Variants in FHOD3 observed in about 807,000 individuals in gnomAD.
The protein encoded by FHOD3 is formin homology 2 domain containing 3.
A neutral mutation model predicts 173.0 loss-of-function variants in FHOD3; 90 were observed. The ratio of observed to expected loss-of-function variants is 0.52; its 90% CI spans 0.44 to 0.62. The LOEUF is 0.62. Ranked by LOEUF, FHOD3 falls within the 20% of genes least tolerant of loss-of-function variation. FHOD3 has a pLI of 0.00. For synonymous variants in FHOD3, 828 were observed against 823.0 expected (o/e 1.01, Z -0.10); for missense variants, 1,945 against 2,034.7 (o/e 0.96, Z 0.85).
chr18:36,408,713 G>T (rs989319592), intron 3 of FHOD3, among the ~76,000 whole-genome samples: 4 of 152,136 alleles, frequency 2.6e-5, no homozygotes, highest in Admixed American at 2.0e-4. Context: ...AGGAGCCAGG[G>T]GTAGAAGCAT....
Position 36,444,421 on chromosome 18 carries a change from T to C in FHOD3, c.338-57511T>C, listed in dbSNP as rs2051345268. 2.0e-5 allele frequency among the ~76,000 whole-genome samples: 3 copies of C among 152,146 alleles called. No individual in the cohort carries two copies. In the South Asian group the frequency reaches 6.2e-4, roughly 32 times the overall value. On this transcript the variant is annotated intron_variant, in intron 3 of 28. Coordinates refer to ENST00000590592, the MANE Select transcript of FHOD3 (RefSeq NM_001281740.3). ...CCTGGTTGATTTTAATTGTTTATTT[T>C]TTGAATATGTGAGAAGCATAAGCAT...
At chr18:36,630,903 A>G (rs1445113149) in intron 10 of FHOD3, among the ~76,000 whole-genome samples, 2 of 152,262 alleles carry the variant, frequency 1.3e-5, no homozygotes, top group Non-Finnish European at 2.9e-5. Context: ...TGATAAGGAT[A>G]TATAAATGGG....
At chr18:36,533,711 C>T (rs1298098523) in intron 5 of FHOD3, among the ~76,000 whole-genome samples, 2 of 152,182 alleles carry the variant, frequency 1.3e-5, no homozygotes, top group African/African-American at 4.8e-5. Flanking sequence ...GAAACCATGG[C>T]ACAGCCTGCC....
chr18:36,298,067 G>A lies in FHOD3; in HGVS notation c.165+67G>A, dbSNP rs890386408. On this transcript the variant is annotated intron_variant, in intron 1 of 28. Transcript: ENST00000590592. ...CCCTGCCGCGGTGCGCGCCGGGGTGGGTCCCGGGGCTTCGTGGGCCCCCTG... is the reference window on the plus strand; with the variant it reads ...CCCTGCCGCGGTGCGCGCCGGGGTGAGTCCCGGGGCTTCGTGGGCCCCCTG... The A allele has an allele frequency of 9.5e-6, 13 of 1,366,112 alleles. No homozygotes were observed. The African/African-American group carries it at 1.7e-4, about 18-fold the overall frequency. 84.6% of individuals were successfully genotyped at this position (1,366,112 alleles called of 1,614,324 possible).
At chr18:36,714,969 C>T (rs1568656553) in intron 18 of FHOD3, among the ~76,000 whole-genome samples, 1 of 152,158 alleles carries the variant, frequency 6.6e-6, no homozygotes, top group Non-Finnish European at 1.5e-5. Flanking sequence ...GCCCACCCTC[C>T]ACGTGTTTGA....
At position 36,297,993 on chromosome 18, in the gene FHOD3, C is replaced by G. The variant is rs1323965196; in HGVS notation, c.158C>G (p.Pro53Arg). ...GGGGTCCATAGGCTGCTGCAGGCGCCGCACAAGGTACGACCCGGCGGGGTG... is the reference window on the plus strand; with the variant it reads ...GGGGTCCATAGGCTGCTGCAGGCGCGGCACAAGGTACGACCCGGCGGGGTG... ...LAGVHRLLQA[P>R]HKLDDCTLQL... The change falls in exon 1 of 29, where the codon CCG (proline) becomes CGG (arginine). Residue 53 changes from proline (P) to arginine (R), a missense_variant. Physicochemically the swap from Pro to Arg is moderately radical, Grantham distance 103. This residue lies in a region of FHOD3 where 245 missense variants were observed against 267.7 expected (regional missense o/e 0.92). Transcript: ENST00000590592. 1 of 1,548,042 alleles carries G rather than the reference C, an allele frequency of 6.5e-7. No individual in the cohort carries two copies. Among genetic ancestry groups the G allele is most frequent in the Non-Finnish European group, 8.7e-7 (1 of 1,149,140 alleles).
chr18:36,597,252 G>A (rs1033040551), intron 7 of FHOD3, among the ~76,000 whole-genome samples: 2 of 152,056 alleles, frequency 1.3e-5, no homozygotes, highest in Non-Finnish European at 2.9e-5. Flanking sequence ...AGGCCTTTGT[G>A]TATCATATCC....
intron 5 of FHOD3, among the ~76,000 whole-genome samples, chr18:36,541,969 T>G (rs1273168954): frequency 6.6e-6 from 1 of 152,196 alleles, no homozygotes; most frequent in Non-Finnish European, 1.5e-5. Context: ...AGAGGTAGAT[T>G]TGTGCCAGCA....
rs897549607 is a variant in FHOD3 at position 36,744,065 on chromosome 18, G to T, written c.3913G>T (p.Val1305Phe). The part of the protein sequence containing the change: ...KAFELSYLEK[V>F]PEVKDTVHKQ... ...GTTTGAGTTAAGCTACCTCGAGAAG[G>T]TTCCAGAAGTCAAAGACACAGTGCA... Residue 1305 changes from valine to phenylalanine, a missense_variant, in exon 23 of 29, where the codon GTT (valine) becomes TTT (phenylalanine). By Grantham distance (50) the Val-to-Phe change is conservative. Around this residue, in one of 5 missense-constraint regions of FHOD3, gnomAD observed 231 missense variants for 321.9 expected, o/e 0.72. Coordinates refer to ENST00000590592, the MANE Select transcript of FHOD3 (RefSeq NM_001281740.3). 19 of 1,614,078 alleles carry T rather than the reference G, an allele frequency of 1.2e-5. No individual in the cohort carries two copies. Among genetic ancestry groups the T allele is most frequent in the Non-Finnish European group, 1.6e-5 (19 of 1,180,048 alleles).
At chr18:36,380,569 TTTC>T (rs2047709013) in intron 3 of FHOD3, among the ~76,000 whole-genome samples, 1 of 111,698 alleles carries the variant, frequency 9.0e-6, no homozygotes, top group African/African-American at 4.0e-5. Context: ...TTTCTTTTCT[TTTC>T]TTTTCTTTTC....
rs1301670842 is a variant in FHOD3 at position 36,718,113 on chromosome 18, G to C, written c.2815G>C (p.Ala939Pro). The C allele has an allele frequency of 2.5e-6, 4 of 1,601,302 alleles. No homozygotes were observed. The highest frequency in any genetic ancestry group is 3.4e-6 in the Non-Finnish European group (4 of 1,173,442). The change falls in exon 19 of 29, where the codon GCA (alanine) becomes CCA (proline). Residue 939 changes from alanine to proline, a missense_variant. Around this residue, in one of 5 missense-constraint regions of FHOD3, gnomAD observed 1,099 missense variants for 1,051.2 expected, o/e 1.05. Coordinates refer to ENST00000590592, the MANE Select transcript of FHOD3 (RefSeq NM_001281740.3). ...GCLDNRGSVK[A>P]FAEKFNSGDL... is the part of the protein sequence containing the mutation. ...TTTGGACAATCGGGGCAGTGTGAAAGCATTTGCTGAGAAATTCAACAGTGG... is the reference window on the plus strand; with the variant it reads ...TTTGGACAATCGGGGCAGTGTGAAACCATTTGCTGAGAAATTCAACAGTGG...
intron 3 of FHOD3, among the ~76,000 whole-genome samples, chr18:36,382,226 A>G (rs1435964165): frequency 7.9e-5 from 12 of 152,124 alleles, no homozygotes; most frequent in Admixed American, 7.9e-4. Flanking sequence ...TAACAAGTTG[A>G]TGGCAGACTT....
chr18:36,702,310 C>T (rs1357450977), intron 17 of FHOD3, among the ~76,000 whole-genome samples: 3 of 152,232 alleles, frequency 2.0e-5, no homozygotes, highest in African/African-American at 7.2e-5. Flanking sequence ...AGGAATTATT[C>T]AACCTAGAAT....
chr18:36,609,132 A>C (rs541919442), intron 8 of FHOD3, among the ~76,000 whole-genome samples: 42 of 152,252 alleles, frequency 2.8e-4, no homozygotes, highest in Non-Finnish European at 5.4e-4. Flanking sequence ...AGTCTAAGAA[A>C]AAAACAGGAG....
intron 8 of FHOD3, 94 bp from the exon 9 acceptor site, chr18:36,611,857 TA>T: frequency 8.0e-7 from 1 of 1,253,622 alleles, no homozygotes; most frequent in Non-Finnish European, 1.1e-6. Flanking sequence ...GCCATGATTA[TA>T]ACAATATGCC....
chr18:36,487,732 A>G (rs2054262106), intron 3 of FHOD3, among the ~76,000 whole-genome samples: 1 of 152,176 alleles, frequency 6.6e-6, no homozygotes, highest in African/African-American at 2.4e-5. Context: ...AACAAAGGGG[A>G]AGAGACCTTA....
At chr18:36,445,538 G>A (rs1421849359) in intron 3 of FHOD3, among the ~76,000 whole-genome samples, 1 of 152,206 alleles carries the variant, frequency 6.6e-6, no homozygotes, top group African/African-American at 2.4e-5. Flanking sequence ...ATTGTAAATG[G>A]AGTGGTACCC....
Position 36,488,923 on chromosome 18 carries a change from G to C in FHOD3, c.338-13009G>C, listed in dbSNP as rs373936245. Reference sequence around the variant, plus strand: ...GAAGTAGAGAAAATGGCCCCCAAGAGCAGGTGGGAGACAGGTTCAGGAGCC... The same window carrying C: ...GAAGTAGAGAAAATGGCCCCCAAGACCAGGTGGGAGACAGGTTCAGGAGCC... On this transcript the variant is annotated intron_variant, in intron 3 of 28. Transcript: ENST00000590592. Among the ~76,000 whole-genome samples the C allele has an allele frequency of 1.8e-3, 276 of 152,258 alleles. 2 individuals are homozygous for C. Among genetic ancestry groups the C allele is most frequent in the African/African-American group, 6.6e-3 (273 of 41,528 alleles).
At chr18:36,391,478 T>C (rs1302606972) in intron 3 of FHOD3, among the ~76,000 whole-genome samples, 1 of 152,102 alleles carries the variant, frequency 6.6e-6, no homozygotes, top group Non-Finnish European at 1.5e-5. Context: ...GGATATACCA[T>C]AGCCAGTGGT....
Sources: gnomAD v4.1 joint callset for allele counts (sites outside exome capture counted in the v4.1 genomes callset) on GRCh38, gnomAD v4.1.1 for gene constraint, gnomAD v4.1.1 regional missense constraint, MANE v1.5 for transcripts, NCBI Gene and HGNC (gene_info 2026-07-23, HGNC 2026-07-21) for gene names.